Variants in MMP16 observed in about 807,000 individuals in gnomAD.
MMP16 encodes the protein matrix metalloproteinase-16.
A neutral mutation model predicts 67.8 loss-of-function variants in MMP16; 12 were observed. The ratio of observed to expected loss-of-function variants is 0.18; its 90% CI spans 0.11 to 0.29. The LOEUF is 0.29. Ranked by LOEUF, MMP16 falls within the 10% of genes least tolerant of loss-of-function variation. The probability of loss-of-function intolerance (pLI) is 1.00; values close to 1 mark genes in which losing one functional copy is unlikely to be tolerated. For missense variants in MMP16, 475 were observed against 765.7 expected, an observed-to-expected ratio of 0.62 and a Z score of 4.48; for synonymous variants, 249 against 255.9, an observed-to-expected ratio of 0.97 and a Z score of 0.26.
intron 9 of MMP16, among the ~76,000 whole-genome samples, chr8:88,044,845 G>C (rs1808178433): frequency 6.6e-6 from 1 of 152,166 alleles, no homozygotes; most frequent in African/African-American, 2.4e-5. Context: ...TAAATAAACT[G>C]ATGTGATCAT....
At chr8:88,069,624 TA>T (rs1808518845) in intron 7 of MMP16, 1 of 435,444 alleles carries the variant, frequency 2.3e-6, no homozygotes, top group African/African-American at 2.2e-5. Context: ...AAAATTTAGG[TA>T]CTTTAATTCA....
At chr8:88,228,442 T>G (rs931903458) in intron 1 of MMP16, among the ~76,000 whole-genome samples, 36 of 151,958 alleles carry the variant, frequency 2.4e-4, no homozygotes, top group Non-Finnish European at 8.8e-5. Context: ...AATGACAAGG[T>G]AAAATGCTTA....
intron 6 of MMP16, among the ~76,000 whole-genome samples, chr8:88,083,509 G>T (rs1808786790): frequency 6.6e-6 from 1 of 152,034 alleles, no homozygotes; most frequent in Admixed American, 6.6e-5. Flanking sequence ...GAATCAAAAG[G>T]AAAAATGGCT....
At position 88,282,086 on chromosome 8, in the gene MMP16, G is replaced by GC. The variant is rs1288796525; in HGVS notation, c.132+44988_132+44989insG. ...TCCAGATTTTTTTTTCTTTTTTGGG[G>GC]GGGGGGGGGCGACGGGGTCTTGCTG... On this transcript the variant is annotated intron_variant, in intron 1 of 9. Coordinates refer to ENST00000286614, the MANE Select transcript of MMP16 (RefSeq NM_005941.5). 3.1e-4 allele frequency among the ~76,000 whole-genome samples: 46 copies of GC among 148,484 alleles called. 3 individuals are homozygous for GC. The highest frequency in any genetic ancestry group is 1.0e-3 in the African/African-American group (41 of 39,326).
At chr8:88,171,151 TG>T (rs539235663) in intron 3 of MMP16, among the ~76,000 whole-genome samples, 211 of 152,306 alleles carry the variant, frequency 1.4e-3, no homozygotes, top group Admixed American at 0.011. Flanking sequence ...ATAATGAATG[TG>T]GAGTACTATT....
intron 1 of MMP16, among the ~76,000 whole-genome samples, chr8:88,210,436 C>G (rs991316459): frequency 1.3e-5 from 2 of 152,158 alleles, no homozygotes; most frequent in African/African-American, 4.8e-5. Context: ...GTGGGGCACC[C>G]ATGTATTAAT....
At chr8:88,161,910 G>T (rs1301723751) in intron 4 of MMP16, among the ~76,000 whole-genome samples, 3 of 152,060 alleles carry the variant, frequency 2.0e-5, no homozygotes, top group Non-Finnish European at 2.9e-5. Context: ...TTGCGCTGTG[G>T]TCTGAGAGAC....
chr8:88,269,520 A>G (rs1810531924), intron 1 of MMP16, among the ~76,000 whole-genome samples: 3 of 152,224 alleles, frequency 2.0e-5, no homozygotes, highest in Non-Finnish European at 4.4e-5. Flanking sequence ...AATATGTTCA[A>G]TATGAACAAG....
At position 88,118,704 on chromosome 8, in the gene MMP16, T is replaced by C; in HGVS notation, c.867A>G (p.Ile289Met). 1 of 1,612,910 alleles carries C rather than the reference T, an allele frequency of 6.2e-7. No individual in the cohort carries two copies. ...PNDDLQGIQKIYGPPDKIPPP... is the reference protein window; with the variant it reads ...PNDDLQGIQKMYGPPDKIPPP... ...ATTGAAACAGTAGTAACCTACCATA[T>C]ATCTTCTGGATGCCCTGTAAATCAT... is the stretch of plus-strand genomic sequence containing the variant. Residue 289 changes from isoleucine to methionine, a missense_variant, in exon 5 of 10, where the codon ATA becomes ATG. Around this residue, in one of 5 missense-constraint regions of MMP16, gnomAD observed 195 missense variants for 300.9 expected, o/e 0.65. Coordinates refer to ENST00000286614, the MANE Select transcript of MMP16 (RefSeq NM_005941.5).
intron 1 of MMP16, among the ~76,000 whole-genome samples, chr8:88,297,134 C>T (rs1811025555): frequency 6.6e-6 from 1 of 152,002 alleles, no homozygotes; most frequent in South Asian, 2.1e-4. Flanking sequence ...AGGATCAGCT[C>T]CCACAAAGCT....
At chr8:88,124,625 T>C (rs996750237) in intron 4 of MMP16, among the ~76,000 whole-genome samples, 1 of 151,962 alleles carries the variant, frequency 6.6e-6, no homozygotes, top group Non-Finnish European at 1.5e-5. Flanking sequence ...GCACAGGAGC[T>C]CTTTGTAGGC....
chr8:88,187,269 T>C (rs1286603905), intron 2 of MMP16, among the ~76,000 whole-genome samples: 3 of 152,186 alleles, frequency 2.0e-5, no homozygotes, highest in African/African-American at 7.2e-5. Flanking sequence ...GTACTTAAAT[T>C]TGAAAAGGAA....
At chr8:88,128,918 G>T (rs1165630522) in intron 4 of MMP16, among the ~76,000 whole-genome samples, 3 of 151,774 alleles carry the variant, frequency 2.0e-5, no homozygotes, top group African/African-American at 4.8e-5. Flanking sequence ...AAGAATAAAT[G>T]TTGGAGAATG....
chr8:88,319,790 G>A (rs527547966), intron 1 of MMP16, among the ~76,000 whole-genome samples: 1 of 151,810 alleles, frequency 6.6e-6, no homozygotes, highest in East Asian at 1.9e-4. Flanking sequence ...ACTTAAACGG[G>A]GCTAAAACAA....
intron 2 of MMP16, among the ~76,000 whole-genome samples, chr8:88,189,463 C>T (rs1242808299): frequency 1.3e-5 from 2 of 152,122 alleles, no homozygotes; most frequent in East Asian, 3.9e-4. Context: ...CACATCCAGT[C>T]AATCACAGTC....
At chr8:88,187,423 G>A (rs1563557152) in intron 2 of MMP16, among the ~76,000 whole-genome samples, 2 of 152,046 alleles carry the variant, frequency 1.3e-5, no homozygotes, top group Non-Finnish European at 2.9e-5. Flanking sequence ...TGATTTGGGG[G>A]TAGTTTTTCT....
At chr8:88,270,423 A>C (rs1421121605) in intron 1 of MMP16, among the ~76,000 whole-genome samples, 2 of 152,222 alleles carry the variant, frequency 1.3e-5, no homozygotes, top group Non-Finnish European at 1.5e-5. Flanking sequence ...TTCCCACTGC[A>C]ACTCATATAG....
At chr8:88,287,874 G>T (rs1810858878) in intron 1 of MMP16, among the ~76,000 whole-genome samples, 1 of 152,138 alleles carries the variant, frequency 6.6e-6, no homozygotes, top group Admixed American at 6.5e-5. Flanking sequence ...TACAGACAAA[G>T]AAACTGGGGC....
chr8:88,133,368 A>T (rs894433720), intron 4 of MMP16, among the ~76,000 whole-genome samples: 1 of 151,868 alleles, frequency 6.6e-6, no homozygotes, highest in Non-Finnish European at 1.5e-5. Context: ...ATCAGGCAGA[A>T]ATACAGGGCC....
Sources: allele counts gnomAD v4.1 joint callset (sites outside exome capture counted in the v4.1 genomes callset), GRCh38; gene constraint gnomAD v4.1.1; regional missense constraint gnomAD v4.1.1; transcripts MANE v1.5; gene names NCBI Gene and HGNC (gene_info 2026-07-23, HGNC 2026-07-21).